Variants in DNM3 observed in about 807,000 individuals in gnomAD.
DNM3 encodes the protein dynamin 3.
DNM3 carries 47 observed loss-of-function variants against 101.6 expected under a neutral mutation model. That is an observed-to-expected ratio of 0.46 (90% CI 0.37 to 0.59). The LOEUF (loss-of-function observed/expected upper bound fraction) is 0.59, where lower values mean the gene tolerates loss of function less well. Ranked by LOEUF, DNM3 falls within the 20% of genes least tolerant of loss-of-function variation. DNM3 has a pLI of 0.00. For synonymous variants in DNM3, 385 were observed against 387.9 expected, an observed-to-expected ratio of 0.99 and a Z score of 0.09; for missense variants, 849 against 1,085.7, an observed-to-expected ratio of 0.78 and a Z score of 3.06.
At chr1:172,081,632 T>C (rs2053156576) in intron 11 of DNM3, among the ~76,000 whole-genome samples, 200 bp from the exon 12 acceptor site, 1 of 152,212 alleles carries the variant, frequency 6.6e-6, no homozygotes, top group Middle Eastern at 3.2e-3. Flanking sequence ...CAGATTTACT[T>C]TTCTAGTAGA....
chr1:172,095,775 C>A (rs961177873), intron 13 of DNM3, among the ~76,000 whole-genome samples: 2 of 152,156 alleles, frequency 1.3e-5, no homozygotes, highest in African/African-American at 4.8e-5. Context: ...GGGCAAAACT[C>A]TTCTTTAAAG....
intron 18 of DNM3, among the ~76,000 whole-genome samples, chr1:172,386,279 G>A (rs1008175864): frequency 2.0e-5 from 3 of 151,690 alleles, no homozygotes; most frequent in Admixed American, 6.6e-5. Flanking sequence ...TGAATAGTCA[G>A]CACATATGAT....
chr1:172,289,024 A>G (rs2757484), intron 15 of DNM3, among the ~76,000 whole-genome samples: 1,852 of 152,090 alleles, frequency 0.012, 27 homozygotes, highest in African/African-American at 0.042. Flanking sequence ...TCTATTCATG[A>G]GTGAGATTGG....
intron 16 of DNM3, among the ~76,000 whole-genome samples, chr1:172,316,939 T>C (rs1175819482): frequency 6.6e-6 from 1 of 152,136 alleles, no homozygotes; most frequent in Non-Finnish European, 1.5e-5. Flanking sequence ...AATATACATT[T>C]TTTTCAGCAC....
intron 16 of DNM3, among the ~76,000 whole-genome samples, chr1:172,312,804 A>G (rs577905981): frequency 1.4e-4 from 21 of 152,226 alleles, no homozygotes; most frequent in Non-Finnish European, 2.5e-4. Context: ...GCTCTACAAT[A>G]TGATAAGATC....
At chr1:172,012,929 G>A (rs570616013) in intron 4 of DNM3, among the ~76,000 whole-genome samples, 28 of 151,748 alleles carry the variant, frequency 1.8e-4, no homozygotes, top group African/African-American at 5.1e-4. Context: ...ATTCATCACC[G>A]TTTGCTTTCA....
chr1:172,402,630 A>G (rs909947869), intron 20 of DNM3, among the ~76,000 whole-genome samples: 1 of 152,196 alleles, frequency 6.6e-6, no homozygotes, highest in African/African-American at 2.4e-5. Flanking sequence ...TGGAATGCAC[A>G]GAGATGCTTA....
At chr1:172,281,842 C>T (rs1311310839) in intron 15 of DNM3, among the ~76,000 whole-genome samples, 1 of 152,078 alleles carries the variant, frequency 6.6e-6, no homozygotes, top group East Asian at 1.9e-4. Context: ...AGTCCGGTTA[C>T]ACTGATTTGA....
At chr1:172,199,652 T>C (rs1364036050) in intron 14 of DNM3, among the ~76,000 whole-genome samples, 1 of 152,172 alleles carries the variant, frequency 6.6e-6, no homozygotes, top group Non-Finnish European at 1.5e-5. Context: ...TTCACCATTA[T>C]GTAATGCCCT....
chr1:171,909,475 T>A (rs1371163975), intron 1 of DNM3, among the ~76,000 whole-genome samples: 1 of 151,370 alleles, frequency 6.6e-6, no homozygotes. Flanking sequence ...GGAATCAGAT[T>A]CTGTGAAGAA....
At chr1:171,984,922 C>T (rs1175129010) in intron 2 of DNM3, among the ~76,000 whole-genome samples, 1 of 152,156 alleles carries the variant, frequency 6.6e-6, no homozygotes, top group Non-Finnish European at 1.5e-5. Flanking sequence ...TGAGATGGTC[C>T]TGAACAATTA....
At chr1:171,922,279 A>G (rs2040239495) in intron 2 of DNM3, among the ~76,000 whole-genome samples, 1 of 152,042 alleles carries the variant, frequency 6.6e-6, no homozygotes, top group African/African-American at 2.4e-5. Context: ...TCTCTCTCTT[A>G]CATCATGATA....
chr1:172,164,306 G>A (rs1218923037), intron 14 of DNM3, among the ~76,000 whole-genome samples: 1 of 144,374 alleles, frequency 6.9e-6, no homozygotes, highest in Non-Finnish European at 1.5e-5. Flanking sequence ...GCAGTGTTAA[G>A]GTCTGTGTTC....
At chr1:172,118,152 G>T (rs935692076) in intron 13 of DNM3, among the ~76,000 whole-genome samples, 32 of 152,154 alleles carry the variant, frequency 2.1e-4, no homozygotes, top group South Asian at 2.1e-4. Flanking sequence ...CATTGGAAGA[G>T]ATTTAAAACT....
intron 14 of DNM3, among the ~76,000 whole-genome samples, chr1:172,159,480 C>T (rs2058467185): frequency 6.6e-6 from 1 of 151,966 alleles, no homozygotes; most frequent in Non-Finnish European, 1.5e-5. Flanking sequence ...TGTGTATAAA[C>T]ATGTTTCTTT....
At chr1:171,948,631 GA>G (rs2042312619) in intron 2 of DNM3, among the ~76,000 whole-genome samples, 1 of 152,122 alleles carries the variant, frequency 6.6e-6, no homozygotes, top group African/African-American at 2.4e-5. Flanking sequence ...TGCTGCCAAG[GA>G]AAACAACTAC....
At chr1:171,842,083 C>T (rs1301721319) in intron 1 of DNM3, among the ~76,000 whole-genome samples, 1 of 152,184 alleles carries the variant, frequency 6.6e-6, no homozygotes, top group Non-Finnish European at 1.5e-5. Context: ...CCATTTCCTC[C>T]CTGTCCTCCA....
At position 171,902,976 on chromosome 1, in the gene DNM3, G is replaced by C. The variant is rs116427421; in HGVS notation, c.162-18772G>C. On this transcript the variant is annotated intron_variant, in intron 1 of 20. Transcript: ENST00000627582. Reference sequence around the variant, plus strand: ...AAGACCAGCCTGGGCAGCATAGTGGGACCTCGTCTCTACAGAAAATAAACA... The same window carrying C: ...AAGACCAGCCTGGGCAGCATAGTGGCACCTCGTCTCTACAGAAAATAAACA... Among the ~76,000 whole-genome samples, 971 of 151,998 alleles carry C rather than the reference G, an allele frequency of 6.4e-3. 11 individuals carry two copies. Among genetic ancestry groups the C allele is most frequent in the African/African-American group, 0.021 (890 of 41,452 alleles).
chr1:171,972,706 G>C (rs572613479), intron 2 of DNM3, among the ~76,000 whole-genome samples: 2 of 152,058 alleles, frequency 1.3e-5, no homozygotes, highest in Admixed American at 1.3e-4. Flanking sequence ...AAAATCAGCC[G>C]GGCGTGGTGG....
Sources: gnomAD v4.1 joint callset for allele counts (sites outside exome capture counted in the v4.1 genomes callset) on GRCh38, gnomAD v4.1.1 for gene constraint, MANE v1.5 for transcripts, NCBI Gene and HGNC (gene_info 2026-07-23, HGNC 2026-07-21) for gene names.